Variants in KCNH5 observed in about 807,000 individuals in gnomAD.
KCNH5 encodes potassium voltage-gated channel subfamily H member 5.
In KCNH5, 46 loss-of-function variants were observed where a neutral mutation model predicts 96.1. The ratio of observed to expected loss-of-function variants is 0.48; its 90% CI spans 0.38 to 0.61. The LOEUF (loss-of-function observed/expected upper bound fraction) is 0.61, where lower values mean the gene tolerates loss of function less well. Ranked by LOEUF, KCNH5 falls within the 20% of genes least tolerant of loss-of-function variation. The pLI is 0.00. For synonymous variants in KCNH5, 439 were observed against 449.8 expected (o/e 0.98, Z 0.30); for missense variants, 907 against 1,225.8 (o/e 0.74, Z 3.88).
At chr14:62,840,566 C>CTTTTTTTTTTTTT (rs71120238) in intron 8 of KCNH5, among the ~76,000 whole-genome samples, 33 of 76,368 alleles carry the variant, frequency 4.3e-4, no homozygotes, top group South Asian at 5.8e-4. Context: ...TCTTTTTTTT[C>CTTTTTTTTTTTTT]TTTTTTTTTT....
chr14:62,950,655 T>C (rs1889986730), intron 6 of KCNH5, 96 bp from the exon 7 acceptor site: 1 of 991,198 alleles, frequency 1.0e-6, no homozygotes, highest in Non-Finnish European at 1.4e-6. Context: ...AATTTAACCA[T>C]CCAATTATAT....
intron 7 of KCNH5, among the ~76,000 whole-genome samples, chr14:62,864,264 A>C (rs183785533): frequency 8.5e-4 from 130 of 152,348 alleles, no homozygotes; most frequent in Middle Eastern, 3.4e-3. Context: ...AAGAATAGGT[A>C]CTTATATTTT....
chr14:62,742,943 A>C (rs1422791643), intron 10 of KCNH5, among the ~76,000 whole-genome samples: 1 of 152,202 alleles, frequency 6.6e-6, no homozygotes, highest in African/African-American at 2.4e-5. Context: ...TGTACACAGC[A>C]GTTGGAAAGC....
chr14:62,771,629 A>G (rs1166079938), intron 10 of KCNH5, among the ~76,000 whole-genome samples: 2 of 152,182 alleles, frequency 1.3e-5, no homozygotes, highest in African/African-American at 4.8e-5. Flanking sequence ...TGCCTCAAAA[A>G]CAAACAAAAA....
At chr14:63,033,152 C>A (rs1269356610) in intron 1 of KCNH5, among the ~76,000 whole-genome samples, 9 of 152,210 alleles carry the variant, frequency 5.9e-5, no homozygotes, top group Non-Finnish European at 1.3e-4. Context: ...ACTCTTTCTC[C>A]TCCTCCCCTC....
chr14:62,988,280 T>C (rs759236369), intron 4 of KCNH5, among the ~76,000 whole-genome samples: 15 of 152,088 alleles, frequency 9.9e-5, no homozygotes, highest in African/African-American at 1.7e-4. Context: ...TCTACACAAT[T>C]ACCCTTCATG....
chr14:62,990,075 AG>A (rs1362702515), intron 4 of KCNH5, among the ~76,000 whole-genome samples: 1 of 152,062 alleles, frequency 6.6e-6, no homozygotes, highest in Non-Finnish European at 1.5e-5. Flanking sequence ...TTGGATTAAA[AG>A]AAAAGCCCAC....
intron 8 of KCNH5, among the ~76,000 whole-genome samples, chr14:62,821,462 T>C (rs1350734663): frequency 6.6e-6 from 1 of 152,144 alleles, no homozygotes; most frequent in Admixed American, 6.6e-5. Context: ...TTTTTAACTT[T>C]AAGAAATGCC....
intron 1 of KCNH5, among the ~76,000 whole-genome samples, chr14:63,032,951 G>C (rs1891656209): frequency 6.6e-6 from 1 of 151,962 alleles, no homozygotes; most frequent in Admixed American, 6.6e-5. Context: ...GCAAATGCTT[G>C]GGCCAAAACC....
At chr14:62,715,866 G>T (rs759907462) in intron 10 of KCNH5, among the ~76,000 whole-genome samples, 3 of 152,106 alleles carry the variant, frequency 2.0e-5, no homozygotes, top group Non-Finnish European at 4.4e-5. Flanking sequence ...GAGGAAAGGA[G>T]GGATAGGGAA....
At chr14:62,934,600 C>T (rs772470437) in intron 7 of KCNH5, among the ~76,000 whole-genome samples, 8 of 152,134 alleles carry the variant, frequency 5.3e-5, no homozygotes, top group Non-Finnish European at 8.8e-5. Flanking sequence ...CTAGCTCTTC[C>T]TAATGACCCT....
chr14:63,039,588 C>T (rs1891784740), intron 1 of KCNH5, among the ~76,000 whole-genome samples: 1 of 151,922 alleles, frequency 6.6e-6, no homozygotes, highest in South Asian at 2.1e-4. Context: ...ATTTCATATA[C>T]TGTATGTATA....
chr14:62,945,689 G>A lies in KCNH5; in HGVS notation c.1369+4444C>T, dbSNP rs150070376. On this transcript the variant is annotated intron_variant, in intron 7 of 10. Coordinates refer to ENST00000322893, the MANE Select transcript of KCNH5 (RefSeq NM_139318.5). ...GGCATTGAGGTGTTTTTTTATAGTAGGGTAGCACTGGAAGGAATTTCTGTA... is the reference window on the plus strand; with the variant it reads ...GGCATTGAGGTGTTTTTTTATAGTAAGGTAGCACTGGAAGGAATTTCTGTA... 2.5e-3 allele frequency among the ~76,000 whole-genome samples: 374 copies of A among 152,126 alleles called. 2 individuals carry two copies. The highest frequency in any genetic ancestry group is 8.7e-3 in the African/African-American group (361 of 41,530).
intron 7 of KCNH5, among the ~76,000 whole-genome samples, chr14:62,897,388 G>T (rs2140090034): frequency 6.6e-6 from 1 of 152,234 alleles, no homozygotes; most frequent in Admixed American, 6.5e-5. Context: ...GTATTGTAAG[G>T]CAAGAAAAGT....
At chr14:62,820,991 A>T (rs1375425018) in intron 8 of KCNH5, among the ~76,000 whole-genome samples, 1 of 152,078 alleles carries the variant, frequency 6.6e-6, no homozygotes, top group Non-Finnish European at 1.5e-5. Flanking sequence ...GAACTAATTT[A>T]CACTCCCACC....
At chr14:62,999,744 A>G (rs1890976677) in intron 4 of KCNH5, among the ~76,000 whole-genome samples, 1 of 147,900 alleles carries the variant, frequency 6.8e-6, no homozygotes, top group African/African-American at 2.5e-5. Flanking sequence ...GGATAGCATT[A>G]GGAGATATAC....
chr14:62,853,494 A>ATATATATATATCATATATAT (rs375695583), intron 7 of KCNH5, among the ~76,000 whole-genome samples: 1 of 102,068 alleles, frequency 9.8e-6, no homozygotes, highest in Non-Finnish European at 2.1e-5. Context: ...ATATATATAT[A>ATATATATATATCATATATAT]ATCTTGGCCA....
intron 7 of KCNH5, among the ~76,000 whole-genome samples, chr14:62,870,319 A>G (rs978203045): frequency 1.3e-5 from 2 of 152,148 alleles, no homozygotes; most frequent in African/African-American, 4.8e-5. Context: ...CATGTAAAGA[A>G]TTTCTCCTAA....
At chr14:62,859,528 C>A (rs1198602362) in intron 7 of KCNH5, among the ~76,000 whole-genome samples, 1 of 152,206 alleles carries the variant, frequency 6.6e-6, no homozygotes, top group East Asian at 1.9e-4. Flanking sequence ...TTTGACCACT[C>A]AAAAAAGTCC....
Sources: gnomAD v4.1 joint callset for allele counts (sites outside exome capture counted in the v4.1 genomes callset) on GRCh38, gnomAD v4.1.1 for gene constraint, MANE v1.5 for transcripts, NCBI Gene and HGNC (gene_info 2026-07-23, HGNC 2026-07-21) for gene names.